Variants in MEIG1 observed in about 807,000 individuals in gnomAD.
MEIG1 encodes meiosis/spermiogenesis associated 1.
MEIG1 carries 12 observed loss-of-function variants against 11.3 expected under a neutral mutation model. The ratio of observed to expected loss-of-function variants is 1.07; its 90% CI spans 0.68 to 1.73. MEIG1 has a LOEUF of 1.73. Ranked by LOEUF, MEIG1 falls within the 40% of genes most tolerant of loss-of-function variation. The pLI, the probability that MEIG1 is intolerant of heterozygous loss-of-function variation, is 0.00. For missense variants in MEIG1, 119 were observed against 104.9 expected (o/e 1.13, Z -0.59); for synonymous variants, 41 against 33.2 (o/e 1.24, Z -0.81).
chr10:14,972,424 A>G, intron 2 of MEIG1, 89 bp from the exon 3 acceptor site: 1 of 1,540,302 alleles, frequency 6.5e-7, no homozygotes, highest in Non-Finnish European at 8.9e-7. Flanking sequence ...TGTTTCTGTA[A>G]GTCATACTTT....
upstream of MEIG1, among the ~76,000 whole-genome samples, chr10:14,957,628 T>C (rs545205205): frequency 1.2e-4 from 18 of 152,088 alleles, no homozygotes; most frequent in Non-Finnish European, 2.1e-4. Flanking sequence ...TAATTTGACT[T>C]AGGTTTTTTT....
At chr10:14,965,898 A>T (rs557653700) in intron 1 of MEIG1, among the ~76,000 whole-genome samples, 9 of 152,212 alleles carry the variant, frequency 5.9e-5, no homozygotes, top group African/African-American at 2.2e-4. Context: ...ACAGTTTTGT[A>T]TGTATCTTTC....
chr10:14,959,236 C>A (rs762052410), upstream of MEIG1, among the ~76,000 whole-genome samples: 3 of 152,354 alleles, frequency 2.0e-5, no homozygotes, highest in Non-Finnish European at 4.4e-5. Flanking sequence ...CCTGGCAGCG[C>A]TCCTACCTGG....
chr10:14,968,394 A>G (rs1198464079), intron 2 of MEIG1, among the ~76,000 whole-genome samples: 1 of 152,202 alleles, frequency 6.6e-6, no homozygotes, highest in Non-Finnish European at 1.5e-5. Flanking sequence ...AGGCTGAGGC[A>G]GGAGAATCAC....
At chr10:14,975,056 C>T (rs1165089416), downstream of MEIG1, among the ~76,000 whole-genome samples, 2 of 151,982 alleles carry the variant, frequency 1.3e-5, no homozygotes, top group Admixed American at 1.3e-4. Context: ...GATATTGATC[C>T]GAATCTCATC....
At chr10:14,955,277 C>T (rs1297818571), upstream of MEIG1, among the ~76,000 whole-genome samples, 1 of 152,178 alleles carries the variant, frequency 6.6e-6, no homozygotes, top group Non-Finnish European at 1.5e-5. Flanking sequence ...TGTGACAAAC[C>T]TTCGGGTAGC....
intron 1 of MEIG1, among the ~76,000 whole-genome samples, chr10:14,982,412 T>C (rs531351037): frequency 2.0e-3 from 304 of 152,294 alleles, no homozygotes; most frequent in Admixed American, 3.9e-3. Context: ...GAGGACTCTT[T>C]GCCTTTCATC....
chr10:14,974,623 G>T (rs1025598746), downstream of MEIG1, among the ~76,000 whole-genome samples: 2 of 151,960 alleles, frequency 1.3e-5, no homozygotes, highest in Non-Finnish European at 2.9e-5. Flanking sequence ...TATTAATTGA[G>T]ACTAATAACT....
chr10:14,961,135 G>A (rs1396464754), intron 1 of MEIG1, among the ~76,000 whole-genome samples: 1 of 152,174 alleles, frequency 6.6e-6, no homozygotes, highest in Non-Finnish European at 1.5e-5. Flanking sequence ...AATGCACCTA[G>A]CCAACTTTAA....
At chr10:14,976,587 C>G (rs1843212423), downstream of MEIG1, among the ~76,000 whole-genome samples, 1 of 151,342 alleles carries the variant, frequency 6.6e-6, no homozygotes, top group South Asian at 2.1e-4. Flanking sequence ...AGGGTGTACA[C>G]TCTGTGATAT....
chr10:14,985,133 A>T (rs894526378), intron 1 of MEIG1, among the ~76,000 whole-genome samples: 1 of 151,522 alleles, frequency 6.6e-6, no homozygotes, highest in Non-Finnish European at 1.5e-5. Flanking sequence ...CACGGGGTGT[A>T]CACAGAGTCA....
intron 1 of MEIG1, among the ~76,000 whole-genome samples, chr10:14,961,661 G>T (rs1287992432): frequency 1.3e-3 from 39 of 29,230 alleles, no homozygotes; most frequent in Non-Finnish European, 1.8e-3. Flanking sequence ...TTTTTTTTTA[G>T]TAGAGACAGG....
intron 1 of MEIG1, among the ~76,000 whole-genome samples, chr10:14,982,181 T>A (rs1843272323): frequency 6.6e-6 from 1 of 152,222 alleles, no homozygotes; most frequent in Admixed American, 6.5e-5. Flanking sequence ...TTCTTCTTTT[T>A]CCTGAATGAC....
rs755548319 is a variant in MEIG1, at chr10:14,987,358, CA to C, written n.285+347del. The C allele has an allele frequency of 1.4e-4, 112 of 791,122 alleles. 2 individuals are homozygous for C. Among genetic ancestry groups the C allele is most frequent in the South Asian group, 1.1e-3 (81 of 72,294 alleles). 49.0% of individuals were successfully genotyped at this position (791,122 alleles called of 1,614,324 possible). A position where few individuals can be genotyped will look rare whatever the true frequency, so the allele number is the denominator to read the frequency against. On this transcript the variant is annotated intron_variant and non_coding_transcript_variant, in intron 2 of 2. Transcript: ENST00000467536. ...AGGACAGGGACAGGGACAGGGACAG[CA>C]AAGCGAGGACAGGCTGCAGTTCTGG...
At chr10:14,963,314 C>T (rs1282017911) in intron 1 of MEIG1, among the ~76,000 whole-genome samples, 1 of 151,774 alleles carries the variant, frequency 6.6e-6, no homozygotes, top group African/African-American at 2.4e-5. Context: ...AGGCTAGTCT[C>T]GAACTCCCGA....
downstream of MEIG1, among the ~76,000 whole-genome samples, chr10:14,975,675 T>C (rs1293793998): frequency 1.3e-5 from 2 of 151,746 alleles, no homozygotes; most frequent in Non-Finnish European, 2.9e-5. Flanking sequence ...TCCTTAATAT[T>C]CCAAGGGGGA....
chr10:14,966,857 G>A (rs578235842), intron 2 of MEIG1, among the ~76,000 whole-genome samples: 24 of 152,072 alleles, frequency 1.6e-4, no homozygotes, highest in Admixed American at 3.3e-4. Flanking sequence ...CCTCAGCCTC[G>A]TGAGTAGCTG....
At chr10:14,980,422 T>C (rs1335371466) in intron 1 of MEIG1, among the ~76,000 whole-genome samples, 3 of 152,182 alleles carry the variant, frequency 2.0e-5, no homozygotes, top group African/African-American at 4.8e-5. Context: ...ACACGTGGTG[T>C]ACAAACAGTG....
At chr10:14,966,695 G>A in intron 2 of MEIG1, 89 bp downstream of exon 2, 1 of 1,217,842 alleles carries the variant, frequency 8.2e-7, no homozygotes. Flanking sequence ...AATAACTGAA[G>A]GAAATTCGAC....
Sources: allele counts gnomAD v4.1 joint callset (sites outside exome capture counted in the v4.1 genomes callset), GRCh38; gene constraint gnomAD v4.1.1; transcripts MANE v1.5; gene names NCBI Gene and HGNC (gene_info 2026-07-23, HGNC 2026-07-21).